ENPP3: variants seen among roughly 807,000 people sequenced by gnomAD.
The protein encoded by ENPP3 is ectonucleotide pyrophosphatase/phosphodiesterase family member 3.
ENPP3 carries 104 observed loss-of-function variants against 117.8 expected under a neutral mutation model. That is an observed-to-expected ratio of 0.88 (90% CI 0.75 to 1.04). The LOEUF (loss-of-function observed/expected upper bound fraction) is 1.04, where lower values mean the gene tolerates loss of function less well. ENPP3 is among the 50% of genes least tolerant of loss of function. ENPP3 has a pLI of 0.00. For synonymous variants in ENPP3, 380 were observed against 349.9 expected (o/e 1.09, Z -0.96); for missense variants, 1,026 against 1,051.9 (o/e 0.98, Z 0.34).
At chr6:131,701,739 C>T (rs1483902194) in intron 15 of ENPP3, among the ~76,000 whole-genome samples, 3 of 149,900 alleles carry the variant, frequency 2.0e-5, no homozygotes, top group Admixed American at 6.6e-5. Flanking sequence ...AAAATTAGCC[C>T]GGCGTGGCGG....
At chr6:131,692,515 T>G (rs1006705459) in intron 14 of ENPP3, among the ~76,000 whole-genome samples, 1 of 151,320 alleles carries the variant, frequency 6.6e-6, no homozygotes, top group Non-Finnish European at 1.5e-5. Flanking sequence ...TTTGTGCAAT[T>G]AAACTACTTT....
chr6:131,683,510 G>A (rs1779077491), intron 12 of ENPP3, among the ~76,000 whole-genome samples: 1 of 152,068 alleles, frequency 6.6e-6, no homozygotes, highest in Non-Finnish European at 1.5e-5. Flanking sequence ...GCAGTTTACT[G>A]TAATTGGCAA....
intron 19 of ENPP3, among the ~76,000 whole-genome samples, chr6:131,724,534 T>G (rs1470677175): frequency 6.6e-6 from 1 of 152,178 alleles, no homozygotes; most frequent in Non-Finnish European, 1.5e-5. Flanking sequence ...GAATTTACAA[T>G]TGTGCCTGGC....
chr6:131,722,546 A>T, intron 18 of ENPP3, 141 bp downstream of exon 18: 1 of 660,518 alleles, frequency 1.5e-6, no homozygotes, highest in Non-Finnish European at 2.6e-6. Context: ...GGTTTCTCTG[A>T]ACCTTACCTG....
intron 14 of ENPP3, among the ~76,000 whole-genome samples, chr6:131,690,011 AGAAAACTG>A (rs911661793): frequency 2.6e-5 from 4 of 152,250 alleles, no homozygotes; most frequent in Admixed American, 2.0e-4. Flanking sequence ...CAATCTCATG[AGAAAACTG>A]GAACAGATGA....
At chr6:131,740,634 T>C (rs1202296851) in intron 24 of ENPP3, among the ~76,000 whole-genome samples, 3 of 152,206 alleles carry the variant, frequency 2.0e-5, no homozygotes, top group Non-Finnish European at 4.4e-5. Context: ...TTATTCACAT[T>C]CACTAATAAT....
chr6:131,679,137 C>T (rs1022471277), intron 11 of ENPP3, among the ~76,000 whole-genome samples: 1 of 149,430 alleles, frequency 6.7e-6, no homozygotes, highest in East Asian at 2.0e-4. Flanking sequence ...CTCTGTCACC[C>T]AGGCTGGAAT....
At position 131,733,642 on chromosome 6, in the gene ENPP3, A is replaced by G. The variant is rs536688166; in HGVS notation, c.2008A>G (p.Arg670Gly). 25 of 1,614,042 alleles carry G rather than the reference A, an allele frequency of 1.5e-5. No homozygotes were observed. The highest frequency in any genetic ancestry group is 1.6e-4 in the Middle Eastern group (1 of 6,084). ...CCCAGACTGTCTGCGGGCTGATGTC[A>G]GGGTTCCTCCTTCTGAGAGCCAAAA... ...TVPDCLRADV[R>G]VPPSESQKCS... The change falls in exon 21 of 25, where the codon AGG becomes GGG. Residue 670 changes from arginine to glycine, a missense_variant. Coordinates refer to ENST00000357639, the MANE Select transcript of ENPP3 (RefSeq NM_005021.5).
At chr6:131,675,026 C>G in intron 8 of ENPP3, 54 bp from the exon 9 acceptor site, 1 of 1,028,146 alleles carries the variant, frequency 9.7e-7, no homozygotes, top group Admixed American at 1.7e-5. Context: ...GTAAGGTACA[C>G]CATTTCTACC....
intron 15 of ENPP3, among the ~76,000 whole-genome samples, chr6:131,711,497 C>G (rs1779790227): frequency 7.1e-6 from 1 of 140,388 alleles, no homozygotes; most frequent in Non-Finnish European, 1.5e-5. Context: ...ATTTGGCCTG[C>G]CCTGTATTGG....
At chr6:131,678,907 C>CTCTT (rs60304793) in intron 11 of ENPP3, among the ~76,000 whole-genome samples, 4,724 of 71,792 alleles carry the variant, frequency 0.066, 600 homozygotes, top group Non-Finnish European at 0.092. Context: ...CTTTCTTTCT[C>CTCTT]TCTTTCTTTC....
intron 23 of ENPP3, among the ~76,000 whole-genome samples, 158 bp from the exon 24 acceptor site, chr6:131,740,066 T>G (rs868256737): frequency 6.6e-6 from 1 of 152,154 alleles, no homozygotes; most frequent in African/African-American, 2.4e-5. Context: ...ATGTAAGTTA[T>G]TTAAAAAGTA....
chr6:131,745,277 T>A (rs961633933), intron 24 of ENPP3, among the ~76,000 whole-genome samples: 1 of 151,640 alleles, frequency 6.6e-6, no homozygotes, highest in African/African-American at 2.4e-5. Context: ...TTTTTTTTTT[T>A]AATATTAGCT....
intron 20 of ENPP3, among the ~76,000 whole-genome samples, chr6:131,727,367 C>A (rs776295071): frequency 2.5e-4 from 38 of 151,978 alleles, no homozygotes; most frequent in Admixed American, 4.6e-4. Flanking sequence ...ACTAGCTTGA[C>A]CAACATGGTG....
chr6:131,720,465 G>A, intron 17 of ENPP3, 86 bp downstream of exon 17: 1 of 632,474 alleles, frequency 1.6e-6, no homozygotes, highest in East Asian at 2.9e-5. Flanking sequence ...CTGAATCCCA[G>A]AGGCTGGATG....
rs1257555823 is a variant in ENPP3, at chr6:131,650,013, C to T, written c.155-14C>T. The T allele has an allele frequency of 6.2e-7, 1 of 1,613,584 alleles. No homozygotes were observed. The highest frequency in any genetic ancestry group is 8.5e-7 in the Non-Finnish European group (1 of 1,179,796). On this transcript the variant is annotated splice_polypyrimidine_tract_variant and intron_variant, in intron 2 of 24. Coordinates refer to ENST00000357639, the MANE Select transcript of ENPP3 (RefSeq NM_005021.5). ...GCTCCTAAATGTTCGGGCCCTATTT[C>T]CTTTACTTTGTAGGCAGCTGCAGGA...
chr6:131,677,600 C>A (rs571587815), intron 10 of ENPP3, among the ~76,000 whole-genome samples: 4 of 152,276 alleles, frequency 2.6e-5, no homozygotes, highest in Middle Eastern at 3.4e-3. Context: ...CTGGGACACA[C>A]CAAGAGTGGT....
intron 2 of ENPP3, among the ~76,000 whole-genome samples, chr6:131,641,990 T>C (rs1232748457): frequency 6.6e-6 from 1 of 151,722 alleles, no homozygotes; most frequent in Non-Finnish European, 1.5e-5. Flanking sequence ...AGATGGGGTT[T>C]CACTACATTG....
At chr6:131,686,869 A>C (rs112883955) in intron 14 of ENPP3, among the ~76,000 whole-genome samples, 20 of 152,200 alleles carry the variant, frequency 1.3e-4, no homozygotes, top group African/African-American at 4.8e-4. Context: ...GCTGCATAGT[A>C]TTCTATGATG....
Sources: gnomAD v4.1 joint callset for allele counts (sites outside exome capture counted in the v4.1 genomes callset) on GRCh38, gnomAD v4.1.1 for gene constraint, MANE v1.5 for transcripts, NCBI Gene and HGNC (gene_info 2026-07-23, HGNC 2026-07-21) for gene names.